The following RABGEF1 variants were observed in gnomAD, a reference collection of about 807,000 sequenced individuals.
RABGEF1 encodes RAB guanine nucleotide exchange factor 1.
Under a neutral mutation model 57.3 loss-of-function variants are expected in RABGEF1, and 26 were observed. That is an observed-to-expected ratio of 0.45 (90% CI 0.33 to 0.63). The LOEUF (loss-of-function observed/expected upper bound fraction) is 0.63. RABGEF1 is among the 20% of genes least tolerant of loss of function. The probability of loss-of-function intolerance (pLI) is 0.02; values close to 1 mark genes in which losing one functional copy is unlikely to be tolerated. For missense variants in RABGEF1, 464 were observed against 607.6 expected (o/e 0.76, Z 2.48); for synonymous variants, 185 against 210.7 (o/e 0.88, Z 1.06).
chr7:66,713,615 C>A (rs2659904), intron 2 of RABGEF1, among the ~76,000 whole-genome samples: 56,781 of 152,090 alleles, frequency 0.37, 11,074 homozygotes, highest in Middle Eastern at 0.56. Flanking sequence ...CTTGGGTGAA[C>A]ACATTCAGTC....
intron 1 of RABGEF1, among the ~76,000 whole-genome samples, chr7:66,746,353 G>T (rs1363006004): frequency 5.9e-5 from 9 of 151,756 alleles, no homozygotes; most frequent in Admixed American, 5.9e-4. Context: ...GCCCAGGCTG[G>T]AGTGCAGTGG....
At chr7:66,661,964 G>A in the RABGEF1 span, among the ~76,000 whole-genome samples, 2 of 152,226 alleles carry the variant, frequency 1.3e-5, no homozygotes, top group South Asian at 4.2e-4. Context: ...TCAAGTTCAA[G>A]ACCAGCTGGG....
At chr7:66,693,013 C>T (rs1162506712) in intron 1 of RABGEF1, among the ~76,000 whole-genome samples, 1 of 152,144 alleles carries the variant, frequency 6.6e-6, no homozygotes, top group Non-Finnish European at 1.5e-5. Flanking sequence ...TTTCTAGAGG[C>T]CCAGGCCCTC....
Position 66,692,062 on chromosome 7 carries a change from A to AAAAC in RABGEF1, c.-873+9820_-873+9823dup, listed in dbSNP as rs139406196. ...ACAAAGCAAGACCCTGTTTTCTTAA[A>AAAAC]AAACAAACAAACAAACAAATAAATA... On this transcript the variant is annotated intron_variant and NMD_transcript_variant, in intron 1 of 9. Transcript: ENST00000607882. Among the ~76,000 whole-genome samples, 171 of 151,102 alleles carry AAAAC rather than the reference A, an allele frequency of 1.1e-3. 2 individuals are homozygous for AAAAC. The highest frequency in any genetic ancestry group is 3.8e-3 in the African/African-American group (156 of 40,698).
intron 2 of RABGEF1, among the ~76,000 whole-genome samples, chr7:66,728,138 A>G (rs1796804449): frequency 6.6e-6 from 1 of 152,022 alleles, no homozygotes. Context: ...GGCCCTTACA[A>G]TCCTTCCTGG....
intron 1 of RABGEF1, among the ~76,000 whole-genome samples, chr7:66,682,522 C>T (rs1321798475): frequency 2.0e-5 from 3 of 152,218 alleles, no homozygotes; most frequent in African/African-American, 7.2e-5. Flanking sequence ...CGTGCCCCGA[C>T]GGCCTGACCT....
chr7:66,686,762 A>G (rs979138137), intron 1 of RABGEF1, among the ~76,000 whole-genome samples: 4 of 152,030 alleles, frequency 2.6e-5, no homozygotes, highest in African/African-American at 9.7e-5. Context: ...CCTGTTTTCA[A>G]TGAAGTGACT....
At chr7:66,700,585 G>C (rs1793105958) in intron 1 of RABGEF1, among the ~76,000 whole-genome samples, 2 of 152,192 alleles carry the variant, frequency 1.3e-5, no homozygotes, top group African/African-American at 2.4e-5. Flanking sequence ...GAGTAAAGGG[G>C]CTTAGGGGTG....
the RABGEF1 span, among the ~76,000 whole-genome samples, chr7:66,664,077 GAA>G: frequency 0.064 from 4,996 of 77,950 alleles, 120 homozygotes; most frequent in Middle Eastern, 0.15. Flanking sequence ...GTCTCAAAAA[GAA>G]AAAAAAAAAA....
At chr7:66,679,745 T>C (rs1041397110), upstream of RABGEF1, among the ~76,000 whole-genome samples, 2 of 150,964 alleles carry the variant, frequency 1.3e-5, no homozygotes, top group Non-Finnish European at 3.0e-5. Flanking sequence ...ACGCTCATTG[T>C]GGGGCCAGGG....
intron 1 of RABGEF1, among the ~76,000 whole-genome samples, chr7:66,757,812 C>T (rs1452307032): frequency 6.6e-6 from 1 of 152,076 alleles, no homozygotes; most frequent in Admixed American, 6.6e-5. Flanking sequence ...GGGGTTTCAC[C>T]GTGTTAGCCA....
intron 3 of RABGEF1, among the ~76,000 whole-genome samples, chr7:66,777,802 T>C (rs888803609): frequency 3.3e-5 from 5 of 152,120 alleles, no homozygotes; most frequent in African/African-American, 4.8e-5. Flanking sequence ...TTAAAAAAAT[T>C]AATTAATTAA....
At chr7:66,662,835 G>A in the RABGEF1 span, among the ~76,000 whole-genome samples, 1 of 152,020 alleles carries the variant, frequency 6.6e-6, no homozygotes, top group Non-Finnish European at 1.5e-5. Flanking sequence ...AGGCATGTGT[G>A]TGTAGGTGTG....
At chr7:66,715,566 A>G (rs1177619612) in intron 2 of RABGEF1, among the ~76,000 whole-genome samples, 1 of 152,158 alleles carries the variant, frequency 6.6e-6, no homozygotes, top group Non-Finnish European at 1.5e-5. Context: ...TTCCTGTTTC[A>G]CCCAGGATTA....
intron 1 of RABGEF1, among the ~76,000 whole-genome samples, chr7:66,684,161 C>G (rs1469562077): frequency 6.6e-6 from 1 of 152,090 alleles, no homozygotes; most frequent in East Asian, 1.9e-4. Context: ...AATGGGTCTC[C>G]CTGGCTAGCT....
intron 1 of RABGEF1, 65 bp from the exon 2 acceptor site, chr7:66,771,818 A>T: frequency 8.2e-7 from 1 of 1,218,904 alleles, no homozygotes; most frequent in Admixed American, 3.1e-5. Context: ...TTTTGTTCAT[A>T]ATTGGTAAGA....
At chr7:66,800,498 C>A (rs1584251943) in intron 7 of RABGEF1, among the ~76,000 whole-genome samples, 1 of 152,118 alleles carries the variant, frequency 6.6e-6, no homozygotes, top group Admixed American at 6.5e-5. Context: ...AGGTAGAATC[C>A]AAGTGGCCCA....
intron 2 of RABGEF1, chr7:66,773,946 G>A (rs1162936690): frequency 1.0e-5 from 4 of 388,700 alleles, no homozygotes; most frequent in Middle Eastern, 8.8e-4. Context: ...GATTACAGGC[G>A]TGAGCCACTG....
intron 2 of RABGEF1, among the ~76,000 whole-genome samples, chr7:66,716,845 C>G (rs182670724): frequency 1.5e-4 from 23 of 152,336 alleles, no homozygotes; most frequent in Non-Finnish European, 3.2e-4. Flanking sequence ...GTGGTGCAAT[C>G]TCGGTTCACC....
Sources: gnomAD v4.1 joint callset for allele counts (sites outside exome capture counted in the v4.1 genomes callset) on GRCh38, gnomAD v4.1.1 for gene constraint, MANE v1.5 for transcripts, NCBI Gene and HGNC (gene_info 2026-07-23, HGNC 2026-07-21) for gene names.